SHANK2: variants seen among roughly 807,000 people sequenced by gnomAD.
The protein encoded by SHANK2 is SH3 and multiple ankyrin repeat domains protein 2.
A neutral mutation model predicts 133.7 loss-of-function variants in SHANK2; 43 were observed. The ratio of observed to expected loss-of-function variants is 0.32; its 90% CI spans 0.25 to 0.41. SHANK2 has a LOEUF of 0.41. Among genes scored for constraint, SHANK2 ranks in the 10% least tolerant of loss-of-function variants. The pLI, the probability that SHANK2 is intolerant of heterozygous loss-of-function variation, is 1.00. For missense variants in SHANK2, 1,994 were observed against 2,235.8 expected, an observed-to-expected ratio of 0.89 and a Z score of 2.18; for synonymous variants, 1,017 against 952.8, an observed-to-expected ratio of 1.07 and a Z score of -1.24.
intron 11 of SHANK2, among the ~76,000 whole-genome samples, chr11:70,896,008 G>A (rs1369110556): frequency 3.3e-5 from 5 of 152,102 alleles, no homozygotes; most frequent in East Asian, 1.9e-4. Flanking sequence ...AGTGTCACTC[G>A]AAGTCCATAG....
chr11:70,660,049 CA>C lies in SHANK2; in HGVS notation c.1937-98del, dbSNP rs1343146054. 6.6e-6 allele frequency: 10 copies of C among 1,507,798 alleles called. No individual in the cohort carries two copies. The Admixed American group carries it at 1.4e-4, about 21-fold the overall frequency. The allele number at this position is 1,507,798 out of a possible 1,614,324, so 93.4% of individuals were successfully genotyped here. On this transcript the variant is annotated intron_variant, in intron 16 of 25. Coordinates refer to ENST00000601538, the MANE Select transcript of SHANK2 (RefSeq NM_012309.5). Reference sequence around the variant, plus strand: ...ACAGGACCCCGGGAGGAAGTGGGCCCACTCATCTCCCATTGCAGGTGGCTAG... The same window carrying C: ...ACAGGACCCCGGGAGGAAGTGGGCCCCTCATCTCCCATTGCAGGTGGCTAG...
rs180785964 is a variant in SHANK2, at chr11:70,509,204, A to G, written c.2062-6273T>C. Among the ~76,000 whole-genome samples, 172 of 152,288 alleles carry G rather than the reference A, an allele frequency of 1.1e-3. 1 individual carries two copies. Among genetic ancestry groups the G allele is most frequent in the Non-Finnish European group, 1.7e-3 (118 of 68,004 alleles). ...TGGTTACCACCCTGAGGACTGTTCT[A>G]TTGCAGCCCTCAGCCACAGTGCATC... On this transcript the variant is annotated intron_variant, in intron 17 of 25. Coordinates refer to ENST00000601538, the MANE Select transcript of SHANK2 (RefSeq NM_012309.5).
chr11:70,528,881 C>T (rs1189924365), intron 17 of SHANK2, among the ~76,000 whole-genome samples: 1 of 152,154 alleles, frequency 6.6e-6, no homozygotes, highest in Non-Finnish European at 1.5e-5. Flanking sequence ...TCCCCACACC[C>T]GCCTCTCAGG....
intron 11 of SHANK2, among the ~76,000 whole-genome samples, chr11:70,859,252 T>C (rs1949218981): frequency 6.6e-6 from 1 of 151,546 alleles, no homozygotes; most frequent in African/African-American, 2.4e-5. Flanking sequence ...GATAAGTAGA[T>C]GGATAGTGGA....
chr11:71,150,322 GAC>G (rs1330881015), intron 2 of SHANK2, among the ~76,000 whole-genome samples: 1 of 91,710 alleles, frequency 1.1e-5, no homozygotes, highest in Non-Finnish European at 2.2e-5. Context: ...GACAGGGAGG[GAC>G]AGGGAGGGAG....
At chr11:70,546,096 AATTTTTTTTTTTTTTTTT>A (rs2059691317) in intron 17 of SHANK2, among the ~76,000 whole-genome samples, 1 of 92,516 alleles carries the variant, frequency 1.1e-5, no homozygotes. Flanking sequence ...TTATTTATTT[AATTTTTTTTTTTTTTTTT>A]TTTTGTAGAG....
chr11:70,912,191 G>A (rs1950204285), intron 10 of SHANK2, among the ~76,000 whole-genome samples: 1 of 151,492 alleles, frequency 6.6e-6, no homozygotes, highest in South Asian at 2.1e-4. Flanking sequence ...CTTACCACGT[G>A]ACCTTATGCA....
chr11:71,086,032 T>TATATTATATAATATGTTATATA (rs1951399580), intron 8 of SHANK2, among the ~76,000 whole-genome samples: 2 of 85,728 alleles, frequency 2.3e-5, no homozygotes, highest in East Asian at 3.6e-4. Flanking sequence ...TTATATGTTA[T>TATATTATATAATATGTTATATA]ATATATTATA....
intron 11 of SHANK2, among the ~76,000 whole-genome samples, chr11:70,834,484 G>C (rs1279086353): frequency 6.6e-6 from 1 of 152,200 alleles, no homozygotes; most frequent in Non-Finnish European, 1.5e-5. Context: ...TCAGCCAGCG[G>C]GGGCCAAGCC....
At chr11:71,071,977 C>T (rs1951148948) in intron 9 of SHANK2, among the ~76,000 whole-genome samples, 1 of 152,210 alleles carries the variant, frequency 6.6e-6, no homozygotes, top group Admixed American at 6.5e-5. Flanking sequence ...CATCCCCTCC[C>T]AGCCCACGCT....
chr11:70,623,166 AT>A (rs2060854075), intron 17 of SHANK2, among the ~76,000 whole-genome samples: 1 of 150,008 alleles, frequency 6.7e-6, no homozygotes, highest in African/African-American at 2.5e-5. Flanking sequence ...ACAGAGCGAG[AT>A]TTCGTCTCAA....
intron 9 of SHANK2, among the ~76,000 whole-genome samples, chr11:71,058,465 G>A (rs976948125): frequency 3.9e-5 from 6 of 152,386 alleles, no homozygotes; most frequent in Admixed American, 2.0e-4. Context: ...TGATGTAGCC[G>A]TACCGACTAT....
At chr11:70,588,852 C>T (rs2060286298) in intron 17 of SHANK2, among the ~76,000 whole-genome samples, 2 of 152,230 alleles carry the variant, frequency 1.3e-5, no homozygotes. Flanking sequence ...GAGTCGCGCT[C>T]TGTCGCCCAG....
chr11:70,744,522 G>C (rs1260471896), intron 14 of SHANK2, among the ~76,000 whole-genome samples: 1 of 152,146 alleles, frequency 6.6e-6, no homozygotes, highest in East Asian at 1.9e-4. Flanking sequence ...GTTGGAAGAG[G>C]GCAGGCAGCT....
At chr11:70,674,168 A>G (rs1200418278) in intron 15 of SHANK2, among the ~76,000 whole-genome samples, 1 of 152,110 alleles carries the variant, frequency 6.6e-6, no homozygotes, top group Non-Finnish European at 1.5e-5. Flanking sequence ...TTCCGCCATG[A>G]GTGGAAGCTT....
In SHANK2 at chr11:70,951,228, A is replaced by ATGT. The variant is rs1381152537; in HGVS notation, c.1108-54662_1108-54661insACA. ...CATTTCCCCTGGCTGCTGCACCGTG[A>ATGT]CGTCATAAATTCATTTCCCCTGGCT... On this transcript the variant is annotated intron_variant, in intron 10 of 25. Transcript: ENST00000601538. Among the ~76,000 whole-genome samples the ATGT allele has an allele frequency of 3.2e-3, 481 of 148,380 alleles. 20 individuals are homozygous for ATGT. Among genetic ancestry groups the ATGT allele is most frequent in the African/African-American group, 0.012 (473 of 37,844 alleles).
chr11:71,137,477 C>G (rs367716218), intron 3 of SHANK2, among the ~76,000 whole-genome samples: 11 of 152,076 alleles, frequency 7.2e-5, no homozygotes, highest in South Asian at 2.1e-4. Context: ...CCCAGCCCCC[C>G]CAAAGGAGGC....
At chr11:70,499,290 C>A (rs2059016705) in intron 21 of SHANK2, among the ~76,000 whole-genome samples, 1 of 152,244 alleles carries the variant, frequency 6.6e-6, no homozygotes, top group Non-Finnish European at 1.5e-5. Context: ...CTGCCCACAC[C>A]CTTGCCCCCT....
chr11:70,643,308 A>C (rs1255227618), intron 17 of SHANK2, among the ~76,000 whole-genome samples: 2 of 152,212 alleles, frequency 1.3e-5, no homozygotes, highest in Non-Finnish European at 2.9e-5. Flanking sequence ...TCACACCTGT[A>C]ATCCCAGCAC....
Sources: allele counts gnomAD v4.1 joint callset (sites outside exome capture counted in the v4.1 genomes callset), GRCh38; gene constraint gnomAD v4.1.1; transcripts MANE v1.5; gene names NCBI Gene and HGNC (gene_info 2026-07-23, HGNC 2026-07-21).